Variants in GALNTL6 observed in about 807,000 individuals in gnomAD.
GALNTL6 encodes polypeptide N-acetylgalactosaminyltransferase like 6.
A neutral mutation model predicts 73.7 loss-of-function variants in GALNTL6; 46 were observed. That is an observed-to-expected ratio of 0.62 (90% confidence interval 0.49 to 0.80). The LOEUF is 0.80. Ranked by LOEUF, GALNTL6 falls within the 30% of genes least tolerant of loss-of-function variation. GALNTL6 has a pLI of 0.00. For missense variants in GALNTL6, 604 were observed against 755.0 expected (o/e 0.80, Z 2.34); for synonymous variants, 259 against 263.7 (o/e 0.98, Z 0.17).
At chr4:172,703,132 T>C (rs1477460649) in intron 5 of GALNTL6, among the ~76,000 whole-genome samples, 2 of 152,026 alleles carry the variant, frequency 1.3e-5, no homozygotes, top group Non-Finnish European at 2.9e-5. Context: ...CTTTGTCTTA[T>C]CTTATATTTT....
At position 172,229,690 on chromosome 4, in the gene GALNTL6, A is replaced by C; in HGVS notation, c.173A>C (p.Tyr58Ser). The C allele has an allele frequency of 6.2e-7, 1 of 1,613,826 alleles. No homozygotes were observed. Among genetic ancestry groups the C allele is most frequent in the Non-Finnish European group, 8.5e-7 (1 of 1,179,748 alleles). The change falls in exon 3 of 13, where the codon TAT becomes TCT. Residue 58 changes from tyrosine (Y) to serine (S), a missense_variant. Physicochemically the swap from Tyr to Ser is moderately radical, Grantham distance 144. Transcript: ENST00000506823. Reference sequence around the variant, plus strand: ...CTGGGCCTGGGAGATGGGCAATTCTATTCATGGACAGATGGTTTGAGAAGA... The same window carrying C: ...CTGGGCCTGGGAGATGGGCAATTCTCTTCATGGACAGATGGTTTGAGAAGA... ...FPLGLGDGQF[Y>S]SWTDGLRRKD...
At chr4:172,625,244 T>C (rs1348262126) in intron 5 of GALNTL6, among the ~76,000 whole-genome samples, 1 of 152,032 alleles carries the variant, frequency 6.6e-6, no homozygotes, top group Non-Finnish European at 1.5e-5. Context: ...ACTGTTCCCA[T>C]CTTTATGTCC....
At chr4:172,956,618 T>C (rs1053029519) in intron 10 of GALNTL6, among the ~76,000 whole-genome samples, 4 of 152,108 alleles carry the variant, frequency 2.6e-5, no homozygotes, top group Admixed American at 6.5e-5. Flanking sequence ...GACAAGTTTT[T>C]TGGGGCACAG....
In GALNTL6 at chr4:172,276,199, A is replaced by G. The variant is rs1355447664; in HGVS notation, c.248-35415A>G. ...GTGGGTCTTCACAGAAAAGATTTTT[A>G]TCTCCGAAGAAGAAACATGTACTTG... On this transcript the variant is annotated intron_variant, in intron 3 of 12. Coordinates refer to ENST00000506823, the MANE Select transcript of GALNTL6 (RefSeq NM_001034845.3). 2.0e-5 allele frequency among the ~76,000 whole-genome samples: 3 copies of G among 152,178 alleles called. No homozygotes were observed. The East Asian group carries it at 5.8e-4, about 29-fold the overall frequency.
chr4:173,006,926 T>C (rs142542483), intron 10 of GALNTL6, among the ~76,000 whole-genome samples: 297 of 152,362 alleles, frequency 1.9e-3, no homozygotes, highest in African/African-American at 6.4e-3. Context: ...CCCTGTACTC[T>C]GCATTATTTC....
chr4:172,416,543 CATA>C (rs1023166402), intron 5 of GALNTL6, among the ~76,000 whole-genome samples: 18 of 152,256 alleles, frequency 1.2e-4, no homozygotes, highest in African/African-American at 4.1e-4. Context: ...CCACCTTTTT[CATA>C]ATAATAACTA....
chr4:171,846,860 TA>T (rs1426921326), intron 2 of GALNTL6, among the ~76,000 whole-genome samples: 2 of 146,914 alleles, frequency 1.4e-5, no homozygotes, highest in African/African-American at 4.9e-5. Context: ...ATATAATATA[TA>T]ATTATATGTA....
intron 2 of GALNTL6, among the ~76,000 whole-genome samples, chr4:171,978,659 C>T (rs1342341679): frequency 2.0e-5 from 3 of 152,006 alleles, no homozygotes; most frequent in African/African-American, 7.3e-5. Context: ...CTAAATTATT[C>T]CAAGCTAGGA....
At chr4:172,333,006 T>C (rs1449035151) in intron 4 of GALNTL6, among the ~76,000 whole-genome samples, 2 of 152,168 alleles carry the variant, frequency 1.3e-5, no homozygotes, top group Admixed American at 6.6e-5. Context: ...CTAACTGGGG[T>C]AAGTTGTTAC....
Position 172,589,970 on chromosome 4 carries a change from A to G in GALNTL6, c.554-219391A>G, listed in dbSNP as rs544962730. Reference sequence around the variant, plus strand: ...ATGTCTACAGTTAATAGAGCAATCAAATCTGCCCTGCTAGGGAAAATAGCA... The same window carrying G: ...ATGTCTACAGTTAATAGAGCAATCAGATCTGCCCTGCTAGGGAAAATAGCA... On this transcript the variant is annotated intron_variant, in intron 5 of 12. Transcript: ENST00000506823. Among the ~76,000 whole-genome samples, 3 of 152,300 alleles carry G rather than the reference A, an allele frequency of 2.0e-5. No individual in the cohort carries two copies. The South Asian group carries it at 6.2e-4, about 32-fold the overall frequency.
At chr4:172,101,128 C>T (rs536697589) in intron 2 of GALNTL6, among the ~76,000 whole-genome samples, 2 of 152,212 alleles carry the variant, frequency 1.3e-5, no homozygotes, top group African/African-American at 4.8e-5. Context: ...ACTCCTCAGA[C>T]TGGCACTTGT....
chr4:172,080,767 G>A (rs1488195771), intron 2 of GALNTL6, among the ~76,000 whole-genome samples: 1 of 151,630 alleles, frequency 6.6e-6, no homozygotes, highest in Non-Finnish European at 1.5e-5. Flanking sequence ...TAAAAGGGCA[G>A]TTTTTATAGT....
chr4:172,993,435 T>C (rs919470648), intron 10 of GALNTL6, among the ~76,000 whole-genome samples: 1 of 152,236 alleles, frequency 6.6e-6, no homozygotes, highest in African/African-American at 2.4e-5. Flanking sequence ...GCTCTAGCTA[T>C]ATACCAAAAC....
intron 2 of GALNTL6, among the ~76,000 whole-genome samples, chr4:172,038,537 G>A (rs1191588538): frequency 2.0e-5 from 3 of 152,162 alleles, no homozygotes; most frequent in Admixed American, 6.6e-5. Flanking sequence ...TCAAAACTGA[G>A]AGTAATTATG....
At chr4:171,882,571 G>A (rs1341123764) in intron 2 of GALNTL6, among the ~76,000 whole-genome samples, 2 of 152,106 alleles carry the variant, frequency 1.3e-5, no homozygotes, top group African/African-American at 2.4e-5. Flanking sequence ...GTGGCCAAAG[G>A]CCCGAGAACC....
Position 172,931,276 on chromosome 4 carries a change from ACT to A in GALNTL6, c.1149+10_1149+11del, listed in dbSNP as rs747651790. On this transcript the variant is annotated intron_variant, in intron 9 of 12. Coordinates refer to ENST00000506823, the MANE Select transcript of GALNTL6 (RefSeq NM_001034845.3). ...GGGACAAGCCTGGCAAGAGTGAGTAACTCAGCATCAGAACAGACTGGGGTTGA... is the reference window on the plus strand; with the variant it reads ...GGGACAAGCCTGGCAAGAGTGAGTAACAGCATCAGAACAGACTGGGGTTGA... The A allele has an allele frequency of 6.7e-7, 1 of 1,488,784 alleles. No individual in the cohort carries two copies. Among genetic ancestry groups the A allele is most frequent in the Non-Finnish European group, 9.4e-7 (1 of 1,065,570 alleles). The allele number at this position is 1,488,784 out of a possible 1,614,324, so 92.2% of individuals were successfully genotyped here. A position where few individuals can be genotyped will look rare whatever the true frequency, so the allele number is the denominator to read the frequency against.
intron 3 of GALNTL6, among the ~76,000 whole-genome samples, chr4:172,258,974 A>G (rs1189556321): frequency 6.6e-6 from 1 of 151,216 alleles, no homozygotes; most frequent in Non-Finnish European, 1.5e-5. Context: ...TATATGCCAC[A>G]TATTCTTTAT....
At chr4:172,984,173 C>T (rs1445627076) in intron 10 of GALNTL6, among the ~76,000 whole-genome samples, 1 of 149,740 alleles carries the variant, frequency 6.7e-6, no homozygotes, top group Admixed American at 6.6e-5. Context: ...TGTATTCGTC[C>T]GTTCTCAGAT....
chr4:171,903,342 G>A (rs7667601), intron 2 of GALNTL6, among the ~76,000 whole-genome samples: 3,305 of 152,120 alleles, frequency 0.022, 95 homozygotes, highest in African/African-American at 0.07. Context: ...AAGCACAAGG[G>A]GTCAGGGAGT....
Sources: allele counts gnomAD v4.1 joint callset (sites outside exome capture counted in the v4.1 genomes callset), GRCh38; gene constraint gnomAD v4.1.1; transcripts MANE v1.5; gene names NCBI Gene and HGNC (gene_info 2026-07-23, HGNC 2026-07-21).